The following UCHL5 variants were observed in gnomAD, a reference collection of about 807,000 sequenced individuals.
UCHL5 encodes the protein ubiquitin carboxyl-terminal hydrolase isozyme L5.
UCHL5 carries 34 observed loss-of-function variants against 53.8 expected under a neutral mutation model. The observed-to-expected ratio is 0.63, with a 90% CI of 0.48 to 0.84. The LOEUF is 0.84. UCHL5 is among the 40% of genes least tolerant of loss of function. The probability of loss-of-function intolerance (pLI) is 0.00; values close to 1 mark genes in which losing one functional copy is unlikely to be tolerated. For missense variants in UCHL5, 290 were observed against 385.6 expected, an observed-to-expected ratio of 0.75 and a Z score of 2.08; for synonymous variants, 111 against 126.3, an observed-to-expected ratio of 0.88 and a Z score of 0.81.
intron 10 of UCHL5, chr1:193,020,548 T>C: frequency 7.9e-7 from 1 of 1,269,838 alleles, no homozygotes; most frequent in Non-Finnish European, 1.0e-6. Context: ...TTAAAAACAA[T>C]TTAACTGCAT....
At position 193,051,801 on chromosome 1, in the gene UCHL5, T is replaced by C. The variant is rs1230712064; in HGVS notation, c.93A>G (p.Gln31=). The change falls in exon 2 of 11, where the codon CAA becomes CAG. Residue 31 remains glutamine, a synonymous_variant. Transcript: ENST00000367454. ...LIKGFGCRGA[Q]VEEIWSLEPE... ...GCTCTAAACTCCATATTTCTTCTAC[T>C]TGGGCTCCTCGGCAACCTGAAATAA... The C allele has an allele frequency of 6.3e-7, 1 of 1,597,908 alleles. No homozygotes were observed. Among genetic ancestry groups the C allele is most frequent in the Non-Finnish European group, 8.5e-7 (1 of 1,172,770 alleles).
intron 10 of UCHL5, chr1:193,018,869 G>T (rs1442390374): frequency 4.6e-6 from 7 of 1,507,836 alleles, no homozygotes; most frequent in East Asian, 2.4e-5. Context: ...ATCTATTTCT[G>T]AATTCTATAG....
intron 3 of UCHL5, among the ~76,000 whole-genome samples, chr1:193,042,128 C>G (rs1163664056): frequency 6.6e-6 from 1 of 150,952 alleles, no homozygotes; most frequent in Non-Finnish European, 1.5e-5. Flanking sequence ...AAAAAAAACA[C>G]TCCCAAAATG....
At chr1:193,059,729 C>G (rs1486680371), upstream of UCHL5, 1 of 1,353,916 alleles carries the variant, frequency 7.4e-7, no homozygotes, top group Non-Finnish European at 9.8e-7. This position sits in a 1 kb window ranked among gnomAD's most constrained non-coding sequence, Gnocchi z 4.9. Context: ...CTGCGCAGGA[C>G]TTCTCCTGGC....
chr1:193,058,464 A>C (rs1267914709), intron 1 of UCHL5, among the ~76,000 whole-genome samples: 1 of 152,238 alleles, frequency 6.6e-6, no homozygotes, highest in Non-Finnish European at 1.5e-5. Context: ...ATAAATAGGG[A>C]AGGATAAAAA....
chr1:193,060,020 G>C, upstream of UCHL5: 1 of 1,356,786 alleles, frequency 7.4e-7, no homozygotes, highest in Non-Finnish European at 9.8e-7. Context: ...GGCCCTTTCC[G>C]AAGCCGGGAC....
intron 10 of UCHL5, among the ~76,000 whole-genome samples, chr1:193,017,792 T>C (rs1480968931): frequency 1.3e-5 from 2 of 151,476 alleles, no homozygotes; most frequent in African/African-American, 4.8e-5. Flanking sequence ...CACTAATTTA[T>C]ACACTTTACA....
chr1:193,059,462 C>G, upstream of UCHL5: 1 of 1,608,680 alleles, frequency 6.2e-7, no homozygotes, highest in Non-Finnish European at 8.5e-7. The surrounding 1 kb of genome is among the most constrained non-coding windows in gnomAD (Gnocchi z 4.9). Flanking sequence ...CTAGAGACAT[C>G]GAAACTCTTC....
intron 3 of UCHL5, among the ~76,000 whole-genome samples, chr1:193,039,735 G>A (rs960990843): frequency 6.6e-6 from 1 of 152,124 alleles, no homozygotes; most frequent in African/African-American, 2.4e-5. Context: ...CACATTATCT[G>A]ACTTCAAAAT....
At position 193,015,455 on chromosome 1, in the gene UCHL5, G is replaced by A. The variant is rs1287282008; in HGVS notation, c.*896C>T. On this transcript the variant is annotated 3_prime_UTR_variant, in exon 11 of 11. Coordinates refer to ENST00000367454, the MANE Select transcript of UCHL5 (RefSeq NM_001199261.3). ...AAATCAATTTTTAAAAATCAATTGT[G>A]AGCAAATTACATATGGCTCTTGAAA... is the stretch of plus-strand genomic sequence containing the variant. The A allele has an allele frequency of 6.6e-6, 1 of 151,972 alleles. No homozygotes were observed. Among genetic ancestry groups the A allele is most frequent in the Admixed American group, 6.6e-5 (1 of 15,218 alleles). The allele number at this position is 151,972 out of a possible 1,614,324, so 9.4% of individuals were successfully genotyped here.
upstream of UCHL5, chr1:193,059,578 TG>T (rs770453297): frequency 6.7e-7 from 1 of 1,486,598 alleles, no homozygotes; most frequent in South Asian, 1.1e-5. The surrounding 1 kb of genome is among the most constrained non-coding windows in gnomAD (Gnocchi z 4.9). Context: ...CTCGCCCCTC[TG>T]GGGCGGAGGC....
intron 3 of UCHL5, among the ~76,000 whole-genome samples, chr1:193,030,762 A>G (rs1347878314): frequency 6.6e-6 from 1 of 152,160 alleles, no homozygotes; most frequent in Admixed American, 6.5e-5. Flanking sequence ...GAAGAAAAAA[A>G]TTCAATTATT....
chr1:193,054,573 T>C (rs1251263032), intron 1 of UCHL5, among the ~76,000 whole-genome samples: 1 of 152,322 alleles, frequency 6.6e-6, no homozygotes, highest in East Asian at 1.9e-4. Flanking sequence ...TTAACTAAAA[T>C]GGGAGCCCTA....
intron 1 of UCHL5, among the ~76,000 whole-genome samples, chr1:193,056,213 T>C (rs186787954): frequency 1.3e-5 from 2 of 152,340 alleles, no homozygotes; most frequent in Non-Finnish European, 2.9e-5. Flanking sequence ...ATTTTAGTGA[T>C]GTCACCTCTC....
upstream of UCHL5, chr1:193,059,700 C>T (rs1672237340): frequency 7.4e-7 from 1 of 1,357,262 alleles, no homozygotes; most frequent in South Asian, 1.2e-5. This position sits in a 1 kb window ranked among gnomAD's most constrained non-coding sequence, Gnocchi z 4.9. Flanking sequence ...AGGCTGCCTT[C>T]TTTTGTCGTT....
chr1:193,021,029 TA>T (rs770588883), intron 10 of UCHL5, 67 bp downstream of exon 10: 1 of 1,256,670 alleles, frequency 8.0e-7, no homozygotes, highest in Non-Finnish European at 1.1e-6. Context: ...AAGCAAAAAA[TA>T]AAAAATACAT....
chr1:193,046,179 G>A (rs1667272235), intron 3 of UCHL5, among the ~76,000 whole-genome samples: 1 of 148,636 alleles, frequency 6.7e-6, no homozygotes, highest in South Asian at 2.1e-4. Context: ...CTACAGGCGT[G>A]TGCTACCAAG....
intron 10 of UCHL5, 30 bp downstream of exon 10, chr1:193,021,067 A>C (rs1297393246): frequency 6.7e-7 from 1 of 1,483,654 alleles, no homozygotes; most frequent in African/African-American, 1.4e-5. Context: ...CTCTAAACTT[A>C]ATTTAAGTAT....
At chr1:193,030,799 T>C (rs1661091333) in intron 3 of UCHL5, among the ~76,000 whole-genome samples, 1 of 152,006 alleles carries the variant, frequency 6.6e-6, no homozygotes, top group African/African-American at 2.4e-5. Flanking sequence ...TATAGTTCTC[T>C]ATTTCTCATG....
Sources: gnomAD v4.1 joint callset for allele counts (sites outside exome capture counted in the v4.1 genomes callset) on GRCh38, gnomAD v4.1.1 for gene constraint, Gnocchi (gnomAD v3.1) non-coding constraint, MANE v1.5 for transcripts, NCBI Gene and HGNC (gene_info 2026-07-23, HGNC 2026-07-21) for gene names.